IQSEC1: variants seen among roughly 807,000 people sequenced by gnomAD.
IQSEC1 encodes IQ motif and SEC7 domain-containing protein 1.
IQSEC1 carries 31 observed loss-of-function variants against 91.0 expected under a neutral mutation model. That is an observed-to-expected ratio of 0.34 (90% CI 0.26 to 0.46). The LOEUF (loss-of-function observed/expected upper bound fraction) is 0.46. Ranked by LOEUF, IQSEC1 falls within the 20% of genes least tolerant of loss-of-function variation. The pLI, the probability that IQSEC1 is intolerant of heterozygous loss-of-function variation, is 1.00. For missense variants in IQSEC1, 1,388 were observed against 1,575.6 expected, an observed-to-expected ratio of 0.88 and a Z score of 2.02; for synonymous variants, 699 against 662.6, an observed-to-expected ratio of 1.05 and a Z score of -0.84.
intron 1 of IQSEC1, among the ~76,000 whole-genome samples, chr3:13,234,531 C>T (rs1364674365): frequency 6.6e-6 from 1 of 152,194 alleles, no homozygotes; most frequent in Non-Finnish European, 1.5e-5. Context: ...TAAGTACCCC[C>T]CTACCCCATG....
intron 1 of IQSEC1, among the ~76,000 whole-genome samples, chr3:12,976,286 C>T (rs1321996527): frequency 6.6e-6 from 1 of 152,244 alleles, no homozygotes; most frequent in Admixed American, 6.5e-5. Flanking sequence ...CCAGGAGGGA[C>T]TCTGCCAGCC....
chr3:13,037,867 G>C, intron 1 of IQSEC1, among the ~76,000 whole-genome samples: 1 of 152,088 alleles, frequency 6.6e-6, no homozygotes, highest in East Asian at 1.9e-4. Flanking sequence ...AAGGGAGGGG[G>C]GAGTTAGTGT....
At chr3:13,060,322 C>T (rs1219610221) in intron 1 of IQSEC1, among the ~76,000 whole-genome samples, 1 of 152,044 alleles carries the variant, frequency 6.6e-6, no homozygotes, top group Non-Finnish European at 1.5e-5. Context: ...AAGGGAGTGA[C>T]GGTGGGAGTA....
At chr3:13,044,715 A>T (rs1704427207) in intron 1 of IQSEC1, among the ~76,000 whole-genome samples, 1 of 151,490 alleles carries the variant, frequency 6.6e-6, no homozygotes, top group Non-Finnish European at 1.5e-5. Flanking sequence ...GGAGAAGGAC[A>T]TTAGCTTCCC....
In IQSEC1 at chr3:12,899,559, C is replaced by T. The variant is rs1694010943; in HGVS notation, c.*1424G>A. The T allele has an allele frequency of 3.3e-6, 5 of 1,496,234 alleles. No homozygotes were observed. In the South Asian group the frequency reaches 3.8e-5, roughly 11 times the overall value. 92.7% of individuals were successfully genotyped at this position (1,496,234 alleles called of 1,614,324 possible). On this transcript the variant is annotated 3_prime_UTR_variant, in exon 14 of 14. Transcript: ENST00000613206. ...AGCACAGCTGAGAGTCATGTGATGC[C>T]CTGGCAGCTCACTGGACCATGGGAA...
chr3:13,123,885 G>A (rs1294794062), intron 2 of IQSEC1, among the ~76,000 whole-genome samples: 1 of 152,248 alleles, frequency 6.6e-6, no homozygotes, highest in Non-Finnish European at 1.5e-5. Flanking sequence ...TGTGGATCAG[G>A]GGTCTGCAAA....
intron 1 of IQSEC1, among the ~76,000 whole-genome samples, chr3:12,958,986 G>A (rs1489927552): frequency 6.6e-6 from 1 of 152,252 alleles, no homozygotes; most frequent in Non-Finnish European, 1.5e-5. Context: ...AAGAGGATCA[G>A]ATGATGTCAT....
intron 1 of IQSEC1, among the ~76,000 whole-genome samples, chr3:13,065,784 C>A (rs1309750040): frequency 6.6e-6 from 1 of 152,198 alleles, no homozygotes; most frequent in African/African-American, 2.4e-5. Flanking sequence ...TATTTGCACA[C>A]CCATGTTCAC....
chr3:13,198,394 T>C (rs370702050), intron 1 of IQSEC1, among the ~76,000 whole-genome samples: 1 of 151,460 alleles, frequency 6.6e-6, no homozygotes, highest in African/African-American at 2.4e-5. Context: ...ATCTGAAGAG[T>C]GCATACCGCG....
intron 2 of IQSEC1, among the ~76,000 whole-genome samples, chr3:13,081,716 C>A (rs1705649547): frequency 6.6e-6 from 1 of 152,230 alleles, no homozygotes; most frequent in Non-Finnish European, 1.5e-5. Flanking sequence ...GGCTGGGATT[C>A]TGCAGGGACC....
At chr3:13,192,479 G>T (rs1358159314) in intron 1 of IQSEC1, among the ~76,000 whole-genome samples, 1 of 152,226 alleles carries the variant, frequency 6.6e-6, no homozygotes, top group Non-Finnish European at 1.5e-5. Flanking sequence ...AGAGATGCAC[G>T]CAGGGACGGA....
At chr3:13,152,783 T>C (rs1213856365) in intron 2 of IQSEC1, among the ~76,000 whole-genome samples, 1 of 152,142 alleles carries the variant, frequency 6.6e-6, no homozygotes, top group Non-Finnish European at 1.5e-5. Context: ...GGCAGGAGAA[T>C]CGCTTGAACC....
At chr3:13,004,645 C>G (rs559357058) in intron 1 of IQSEC1, among the ~76,000 whole-genome samples, 10 of 152,176 alleles carry the variant, frequency 6.6e-5, no homozygotes, top group Non-Finnish European at 1.2e-4. Context: ...GACAGGGCAT[C>G]TATGCAGGGC....
At chr3:13,123,872 A>G (rs534225119) in intron 2 of IQSEC1, among the ~76,000 whole-genome samples, 1 of 152,238 alleles carries the variant, frequency 6.6e-6, no homozygotes, top group Non-Finnish European at 1.5e-5. Flanking sequence ...AGGATTTAGC[A>G]TATGTGGATC....
chr3:13,225,914 C>CT (rs1211642058), intron 1 of IQSEC1, among the ~76,000 whole-genome samples: 1 of 151,944 alleles, frequency 6.6e-6, no homozygotes, highest in Non-Finnish European at 1.5e-5. Flanking sequence ...GAGTCCCACT[C>CT]TGTCTCCCAG....
chr3:12,901,429 A>C lies in IQSEC1; in HGVS notation c.2899T>G (p.Ser967Ala). 3 of 1,547,552 alleles carry C rather than the reference A, an allele frequency of 1.9e-6. No homozygotes were observed. The highest frequency in any genetic ancestry group is 8.7e-7 in the Non-Finnish European group (1 of 1,146,396). The change falls in exon 14 of 14, where the codon TCC becomes GCC. Residue 967 changes from serine (S) to alanine (A), a missense_variant. Physicochemically the swap from Ser to Ala is moderately conservative, Grantham distance 99 (BLOSUM62 1). This residue lies in a region of IQSEC1 where 329 missense variants were observed against 257.8 expected (regional missense o/e 1.28). Transcript: ENST00000613206. The stretch of plus-strand genomic sequence containing the variant: ...CTCCCGAATAAGGAGCCCAGGAGGG[A>C]AGATGAGTTGGGCATAGTCTGGTGT... ...RPHQTMPNSS[S>A]LLGSLFGSKR...
chr3:13,248,137 GC>G (rs1695138244), intron 1 of IQSEC1, among the ~76,000 whole-genome samples: 1 of 152,200 alleles, frequency 6.6e-6, no homozygotes, highest in East Asian at 1.9e-4. Context: ...CTCCCAGACT[GC>G]AGGAAGGGCA....
chr3:13,055,268 A>G (rs918218979), intron 1 of IQSEC1, among the ~76,000 whole-genome samples: 2 of 152,180 alleles, frequency 1.3e-5, no homozygotes, highest in Non-Finnish European at 2.9e-5. Context: ...CTGGACAGAG[A>G]GCCCAGGGTA....
Position 12,899,411 on chromosome 3 carries a change from C to T in IQSEC1, c.*1572G>A. 2 of 1,612,822 alleles carry T rather than the reference C, an allele frequency of 1.2e-6. No individual in the cohort carries two copies. Among genetic ancestry groups the T allele is most frequent in the Non-Finnish European group, 1.7e-6 (2 of 1,179,792 alleles). ...TGGCTTAGGAGCACAGCACTGACGG[C>T]TGCAGTGGCTCGAAAGGCTGAAACT... On this transcript the variant is annotated 3_prime_UTR_variant, in exon 14 of 14. Transcript: ENST00000613206.
Sources: allele counts gnomAD v4.1 joint callset (sites outside exome capture counted in the v4.1 genomes callset), GRCh38; gene constraint gnomAD v4.1.1; regional missense constraint gnomAD v4.1.1; transcripts MANE v1.5; gene names NCBI Gene and HGNC (gene_info 2026-07-23, HGNC 2026-07-21).